The following C12orf42 variants were observed in gnomAD, a reference collection of about 807,000 sequenced individuals.
The protein encoded by C12orf42 is uncharacterized protein C12orf42.
Under a neutral mutation model 21.6 loss-of-function variants are expected in C12orf42, and 25 were observed. The observed-to-expected ratio is 1.16, with a 90% CI of 0.84 to 1.62. C12orf42 has a LOEUF of 1.62. C12orf42 is among the 40% of genes most tolerant of loss of function. The pLI, the probability that C12orf42 is intolerant of heterozygous loss-of-function variation, is 0.00. For missense variants in C12orf42, 483 were observed against 459.3 expected, an observed-to-expected ratio of 1.05 and a Z score of -0.47; for synonymous variants, 174 against 175.0, an observed-to-expected ratio of 0.99 and a Z score of 0.05.
intron 1 of C12orf42, among the ~76,000 whole-genome samples, chr12:103,484,809 T>C (rs1487096877): frequency 6.6e-6 from 1 of 151,942 alleles, no homozygotes; most frequent in Non-Finnish European, 1.5e-5. Flanking sequence ...TTTAAGTCTT[T>C]AATCTATCTT....
intron 3 of C12orf42, among the ~76,000 whole-genome samples, chr12:103,383,748 C>G (rs150923334): frequency 6.4e-4 from 98 of 152,304 alleles, no homozygotes; most frequent in African/African-American, 2.3e-3. Context: ...CTATACTTAA[C>G]CACTCTTGAA....
chr12:103,246,869 C>T (rs2034033787), intron 10 of C12orf42, among the ~76,000 whole-genome samples: 1 of 152,026 alleles, frequency 6.6e-6, no homozygotes, highest in South Asian at 2.1e-4. Flanking sequence ...TAGAAGGAAA[C>T]ATAAAAATCC....
At chr12:103,395,304 A>C (rs1203977129) in intron 3 of C12orf42, among the ~76,000 whole-genome samples, 1 of 152,018 alleles carries the variant, frequency 6.6e-6, no homozygotes, top group Non-Finnish European at 1.5e-5. Flanking sequence ...TAGTAAGAAC[A>C]CTAATAGAAA....
the C12orf42 span, among the ~76,000 whole-genome samples, chr12:103,114,260 A>G: frequency 2.5e-3 from 386 of 152,080 alleles, 1 homozygote; most frequent in African/African-American, 9.0e-3. Flanking sequence ...TTAAAGAAAG[A>G]TCAGTTTAGA....
chr12:103,148,961 A>G, the C12orf42 span, among the ~76,000 whole-genome samples: 1 of 152,176 alleles, frequency 6.6e-6, no homozygotes, highest in Non-Finnish European at 1.5e-5. Flanking sequence ...AATTTATATT[A>G]AGACTGCAAA....
At chr12:103,349,180 G>A (rs1329978775) in intron 4 of C12orf42, 1 of 152,186 alleles carries the variant, frequency 6.6e-6, no homozygotes, top group African/African-American at 2.4e-5. Flanking sequence ...CACAGGAAGA[G>A]GGCTGTTCTA....
intron 1 of C12orf42, among the ~76,000 whole-genome samples, chr12:103,492,695 C>A (rs756165126): frequency 1.3e-5 from 2 of 152,286 alleles, no homozygotes; most frequent in Middle Eastern, 3.4e-3. Context: ...TCATCCCATG[C>A]CACATCATAG....
At chr12:103,489,977 G>A (rs965808783) in intron 1 of C12orf42, among the ~76,000 whole-genome samples, 1 of 152,206 alleles carries the variant, frequency 6.6e-6, no homozygotes, top group African/African-American at 2.4e-5. Flanking sequence ...ACCAGTCCCA[G>A]TGAGATGACC....
the C12orf42 span, among the ~76,000 whole-genome samples, chr12:103,117,428 G>C: frequency 1.3e-5 from 2 of 152,108 alleles, no homozygotes; most frequent in African/African-American, 4.8e-5. Flanking sequence ...TACTCTTTCA[G>C]TGAAGCAGTC....
chr12:103,434,397 G>C lies in C12orf42; in HGVS notation c.79-32722C>G, dbSNP rs558381238. Among the ~76,000 whole-genome samples, 5 of 152,288 alleles carry C rather than the reference G, an allele frequency of 3.3e-5. No individual in the cohort carries two copies. In the East Asian group the frequency reaches 9.6e-4, roughly 29 times the overall value. On this transcript the variant is annotated intron_variant, in intron 2 of 5. Coordinates refer to ENST00000548883, the MANE Select transcript of C12orf42 (RefSeq NM_198521.5). ...AAAAGCCTCACAGTGAAGGGGAGGAGCCAAGATGGCCGAATAGGAACAGCT... is the reference window on the plus strand; with the variant it reads ...AAAAGCCTCACAGTGAAGGGGAGGACCCAAGATGGCCGAATAGGAACAGCT...
chr12:103,453,890 A>G (rs773832071), intron 2 of C12orf42, among the ~76,000 whole-genome samples: 1 of 152,072 alleles, frequency 6.6e-6, no homozygotes, highest in African/African-American at 2.4e-5. Flanking sequence ...TGTCTCTCTA[A>G]CAAAACTCCT....
At chr12:103,501,783 T>C in the C12orf42 span, among the ~76,000 whole-genome samples, 19 of 152,328 alleles carry the variant, frequency 1.2e-4, no homozygotes, top group African/African-American at 1.7e-4. Context: ...TTGGTTTTCA[T>C]GCTGCTCAAA....
At chr12:103,145,678 T>C in the C12orf42 span, among the ~76,000 whole-genome samples, 1 of 152,210 alleles carries the variant, frequency 6.6e-6, no homozygotes, top group Non-Finnish European at 1.5e-5. Flanking sequence ...ATGAAAATGT[T>C]TATTACAACA....
chr12:103,215,999 T>C, the C12orf42 span, among the ~76,000 whole-genome samples: 1 of 152,178 alleles, frequency 6.6e-6, no homozygotes, highest in Non-Finnish European at 1.5e-5. Flanking sequence ...CAGCCTACCA[T>C]ATCAAAAGGC....
chr12:103,174,667 C>T, the C12orf42 span, among the ~76,000 whole-genome samples: 1 of 152,014 alleles, frequency 6.6e-6, no homozygotes, highest in African/African-American at 2.4e-5. Flanking sequence ...TATTTGAAAG[C>T]CATTTTGTAA....
At chr12:103,248,294 A>G (rs1283098652) in intron 10 of C12orf42, among the ~76,000 whole-genome samples, 3 of 152,182 alleles carry the variant, frequency 2.0e-5, no homozygotes, top group South Asian at 2.1e-4. Flanking sequence ...ATTCATTTAC[A>G]TCTATGGAAA....
the C12orf42 span, among the ~76,000 whole-genome samples, chr12:103,067,300 A>G: frequency 6.6e-6 from 1 of 152,164 alleles, no homozygotes; most frequent in Non-Finnish European, 1.5e-5. Context: ...TCCACATAGC[A>G]TTGCCCCTGA....
chr12:103,148,620 G>A, the C12orf42 span, among the ~76,000 whole-genome samples: 9 of 135,196 alleles, frequency 6.7e-5, no homozygotes, highest in Middle Eastern at 3.6e-3. Context: ...CATAGTGCTC[G>A]TTTGAGTAAA....
chr12:103,553,204 A>G, the C12orf42 span, among the ~76,000 whole-genome samples: 1 of 152,250 alleles, frequency 6.6e-6, no homozygotes, highest in Non-Finnish European at 1.5e-5. Context: ...TTGAAAACCA[A>G]AAGTCTCCAG....
Sources: allele counts gnomAD v4.1 joint callset (sites outside exome capture counted in the v4.1 genomes callset), GRCh38; gene constraint gnomAD v4.1.1; transcripts MANE v1.5; gene names NCBI Gene and HGNC (gene_info 2026-07-23, HGNC 2026-07-21).